Variants in DNAH14 observed in about 807,000 individuals in gnomAD.
DNAH14 encodes the protein dynein axonemal heavy chain 14.
In DNAH14, 478 loss-of-function variants were observed where a neutral mutation model predicts 520.9. The ratio of observed to expected loss-of-function variants is 0.92; its 90% CI spans 0.85 to 0.99. The LOEUF is 0.99. Ranked by LOEUF, DNAH14 falls within the 50% of genes least tolerant of loss-of-function variation. The pLI is 0.00. For synonymous variants in DNAH14, 1,581 were observed against 1,757.2 expected, an observed-to-expected ratio of 0.90 and a Z score of 2.51; for missense variants, 4,831 against 5,234.5, an observed-to-expected ratio of 0.92 and a Z score of 2.38.
intron 37 of DNAH14, among the ~76,000 whole-genome samples, chr1:225,189,366 T>C (rs950335522): frequency 6.6e-6 from 1 of 151,716 alleles, no homozygotes. Context: ...AGAGTAATGC[T>C]GACCTCATAG....
At chr1:225,297,550 AGT>A (rs1416026141) in intron 55 of DNAH14, among the ~76,000 whole-genome samples, 1 of 152,202 alleles carries the variant, frequency 6.6e-6, no homozygotes, top group African/African-American at 2.4e-5. Flanking sequence ...TGGGTTTTAC[AGT>A]GTCAGTCATT....
chr1:225,155,944 T>C (rs1053473358), intron 34 of DNAH14, among the ~76,000 whole-genome samples: 3 of 152,164 alleles, frequency 2.0e-5, no homozygotes, highest in Non-Finnish European at 4.4e-5. Flanking sequence ...AAAAAATTAA[T>C]ATTAGACAAT....
At chr1:225,356,163 C>T (rs1039454696) in intron 73 of DNAH14, among the ~76,000 whole-genome samples, 22 of 152,182 alleles carry the variant, frequency 1.4e-4, no homozygotes, top group Non-Finnish European at 2.9e-4. Context: ...CTATGATACA[C>T]ACATTTGTTT....
chr1:225,398,503 C>A lies in DNAH14; in HGVS notation c.13492-17C>A, dbSNP rs778576814. 2.6e-6 allele frequency: 4 copies of A among 1,551,102 alleles called. No individual in the cohort carries two copies. In the South Asian group the frequency reaches 3.6e-5, roughly 14 times the overall value. On this transcript the variant is annotated splice_polypyrimidine_tract_variant and intron_variant, in intron 84 of 85. Transcript: ENST00000682510. ...CTTCTCCTGGGGATCCCTGACACCA[C>A]CTCTCTTCCATCTTAGGGCTCAGCT...
chr1:225,266,150 T>C, intron 48 of DNAH14, among the ~76,000 whole-genome samples: 1 of 152,158 alleles, frequency 6.6e-6, no homozygotes, highest in East Asian at 1.9e-4. Flanking sequence ...CTGCTTGTTG[T>C]TCATAACAAC....
chr1:225,045,192 T>C (rs2067841729), intron 15 of DNAH14, among the ~76,000 whole-genome samples: 2 of 152,160 alleles, frequency 1.3e-5, no homozygotes, highest in South Asian at 4.1e-4. Context: ...TTTTTTGTTT[T>C]TCATCTTAGA....
chr1:224,985,240 T>G (rs1229838047), intron 8 of DNAH14, among the ~76,000 whole-genome samples: 3 of 152,048 alleles, frequency 2.0e-5, no homozygotes, highest in Non-Finnish European at 2.9e-5. Context: ...ACAATAGGCA[T>G]GTAAAGAAAC....
rs771841488 is a variant in DNAH14 at position 224,968,744 on chromosome 1, T to G, written c.652-15T>G. On this transcript the variant is annotated splice_polypyrimidine_tract_variant and intron_variant, in intron 6 of 85. Coordinates refer to ENST00000682510, the MANE Select transcript of DNAH14 (RefSeq NM_001367479.1). ...TTAAAGAAATAAAATAATGCTTTTG[T>G]GCTTTATTTTGTAGGTTATTAATAT... 8.4e-6 allele frequency: 11 copies of G among 1,314,402 alleles called. No homozygotes were observed. In the South Asian group the frequency reaches 1.2e-4, roughly 15 times the overall value. The allele number at this position is 1,314,402 out of a possible 1,614,324, so 81.4% of individuals were successfully genotyped here.
intron 1 of DNAH14, among the ~76,000 whole-genome samples, chr1:224,933,094 T>C (rs2058798742): frequency 6.6e-6 from 1 of 152,146 alleles, no homozygotes; most frequent in African/African-American, 2.4e-5. Context: ...TTGTGTTGTA[T>C]TCAATTTCTT....
At chr1:225,227,296 C>T (rs941514986) in intron 41 of DNAH14, among the ~76,000 whole-genome samples, 9 of 152,212 alleles carry the variant, frequency 5.9e-5, no homozygotes, top group Middle Eastern at 3.4e-3. Context: ...TGTGGCCTTC[C>T]GCAGTGCATT....
chr1:224,990,123 G>A, intron 8 of DNAH14, among the ~76,000 whole-genome samples: 1 of 151,736 alleles, frequency 6.6e-6, no homozygotes, highest in Non-Finnish European at 1.5e-5. Flanking sequence ...GATTGTTGTA[G>A]ATTGGTGTCA....
In DNAH14 at chr1:225,086,260, G is replaced by A. The variant is rs528197820; in HGVS notation, c.3573+471G>A. ...CCATTCTCCTGCCTCAGCCTCCCGA[G>A]TAGCTGGGACTACAGGTGCCCGCCA... On this transcript the variant is annotated intron_variant, in intron 21 of 85. Transcript: ENST00000682510. Among the ~76,000 whole-genome samples, 17 of 151,726 alleles carry A rather than the reference G, an allele frequency of 1.1e-4. No homozygotes were observed. In the South Asian group the frequency reaches 3.3e-3, roughly 30 times the overall value.
At chr1:225,228,622 C>T (rs2090790224) in intron 41 of DNAH14, among the ~76,000 whole-genome samples, 1 of 151,820 alleles carries the variant, frequency 6.6e-6, no homozygotes, top group Non-Finnish European at 1.5e-5. Context: ...GGGGTCACTT[C>T]TTGATTGGAA....
At chr1:225,264,035 T>G (rs1406336775) in intron 46 of DNAH14, among the ~76,000 whole-genome samples, 162 bp from the exon 47 acceptor site, 1 of 152,112 alleles carries the variant, frequency 6.6e-6, no homozygotes, top group Non-Finnish European at 1.5e-5. Flanking sequence ...TAAGTTCTTA[T>G]GGTGACACTA....
At chr1:225,371,658 T>C (rs925051766) in intron 77 of DNAH14, among the ~76,000 whole-genome samples, 5 of 152,124 alleles carry the variant, frequency 3.3e-5, no homozygotes, top group Non-Finnish European at 7.4e-5. Flanking sequence ...ATTGTACGTC[T>C]AGAAAACCTG....
intron 27 of DNAH14, among the ~76,000 whole-genome samples, chr1:225,128,524 A>G (rs4641280): frequency 0.33 from 50,792 of 151,830 alleles, 10,120 homozygotes; most frequent in East Asian, 0.54. Flanking sequence ...ACGCAAATCA[A>G]TAAATGTAAT....
chr1:225,017,693 C>T lies in DNAH14; in HGVS notation c.1108-5922C>T, dbSNP rs188829275. ...AGTGCTATTGCCTGCAGTCTGGGAG[C>T]ACCTTGGCCTCTCCAGCCCAGCTGG... On this transcript the variant is annotated intron_variant, in intron 10 of 85. Coordinates refer to ENST00000682510, the MANE Select transcript of DNAH14 (RefSeq NM_001367479.1). 4.2e-3 allele frequency among the ~76,000 whole-genome samples: 634 copies of T among 152,368 alleles called. 4 individuals carry two copies. Among genetic ancestry groups the T allele is most frequent in the African/African-American group, 0.015 (604 of 41,600 alleles).
intron 23 of DNAH14, among the ~76,000 whole-genome samples, chr1:225,104,227 G>C (rs1553449257): frequency 6.6e-6 from 1 of 152,190 alleles, no homozygotes; most frequent in Non-Finnish European, 1.5e-5. Flanking sequence ...GAATCCCAGG[G>C]ATGAAGCCCA....
chr1:225,015,895 A>T (rs1335572477), intron 10 of DNAH14, among the ~76,000 whole-genome samples: 1 of 152,162 alleles, frequency 6.6e-6, no homozygotes, highest in African/African-American at 2.4e-5. Context: ...CAGAGTGGGA[A>T]GCAACAGCCT....
Sources: gnomAD v4.1 joint callset for allele counts (sites outside exome capture counted in the v4.1 genomes callset) on GRCh38, gnomAD v4.1.1 for gene constraint, MANE v1.5 for transcripts, NCBI Gene and HGNC (gene_info 2026-07-23, HGNC 2026-07-21) for gene names.